Variants in LGR6 observed in about 807,000 individuals in gnomAD.
The protein encoded by LGR6 is leucine rich repeat containing G protein-coupled receptor 6.
LGR6 carries 45 observed loss-of-function variants against 69.4 expected under a neutral mutation model. The ratio of observed to expected loss-of-function variants is 0.65; its 90% CI spans 0.51 to 0.83. The LOEUF (loss-of-function observed/expected upper bound fraction) is 0.83, where lower values mean the gene tolerates loss of function less well. Among genes scored for constraint, LGR6 ranks in the 40% least tolerant of loss-of-function variants. The pLI is 0.00. For missense variants in LGR6, 1,108 were observed against 1,246.7 expected, an observed-to-expected ratio of 0.89 and a Z score of 1.68; for synonymous variants, 538 against 555.0, an observed-to-expected ratio of 0.97 and a Z score of 0.43.
At chr1:202,311,097 C>G (rs1653686678) in intron 16 of LGR6, among the ~76,000 whole-genome samples, 1 of 151,992 alleles carries the variant, frequency 6.6e-6, no homozygotes, top group African/African-American at 2.4e-5. Flanking sequence ...TCCCTCTCCC[C>G]CTGCCCGTAT....
intron 2 of LGR6, 132 bp downstream of exon 2, chr1:202,225,626 G>C (rs974093143): frequency 1.3e-5 from 9 of 713,866 alleles, no homozygotes; most frequent in Non-Finnish European, 2.1e-5. Context: ...CTTGACAGCA[G>C]GGTGTTCTTC....
chr1:202,267,561 T>C (rs1003145272), intron 4 of LGR6, among the ~76,000 whole-genome samples: 1 of 151,876 alleles, frequency 6.6e-6, no homozygotes, highest in Non-Finnish European at 1.5e-5. Context: ...AGCTTTGGAG[T>C]CAGACCAATG....
intron 3 of LGR6, among the ~76,000 whole-genome samples, chr1:202,228,253 TA>T (rs1242785203): frequency 6.6e-6 from 1 of 152,208 alleles, no homozygotes; most frequent in Non-Finnish European, 1.5e-5. Flanking sequence ...GTGAAACATT[TA>T]AAAAAATTAA....
At chr1:202,207,802 G>A (rs75171786) in intron 1 of LGR6, among the ~76,000 whole-genome samples, 3,464 of 152,278 alleles carry the variant, frequency 0.023, 130 homozygotes, top group African/African-American at 0.079. Context: ...CTAGAACGGC[G>A]TCTGGCACAC....
At chr1:202,197,450 C>G in intron 1 of LGR6, 1 of 533,406 alleles carries the variant, frequency 1.9e-6, no homozygotes, top group Middle Eastern at 3.2e-4. Context: ...AAACTATAGT[C>G]TCAGCGAGGC....
At chr1:202,301,055 A>C (rs753081203) in intron 8 of LGR6, 109 bp from the exon 9 acceptor site, 303 of 1,339,888 alleles carry the variant, frequency 2.3e-4, no homozygotes, top group Non-Finnish European at 3.2e-4. Context: ...CTTTCCCTGC[A>C]TGTTCTTTCC....
In LGR6 at chr1:202,303,457, C is replaced by T. The variant is rs41270971; in HGVS notation, c.998+110C>T. On this transcript the variant is annotated intron_variant, in intron 10 of 17. Transcript: ENST00000367278. ...TCTAGGTTCCTTGCTTCCCTTTTAT[C>T]CAGCCTGTCTCTACTACTGGCTCCA... 4.4e-3 allele frequency: 3,680 copies of T among 837,568 alleles called. 15 individuals are homozygous for T. Among genetic ancestry groups the T allele is most frequent in the Non-Finnish European group, 6.2e-3 (3,078 of 500,196 alleles). 51.9% of individuals were successfully genotyped at this position (837,568 alleles called of 1,614,324 possible).
intron 4 of LGR6, 36 bp downstream of exon 4, chr1:202,236,029 C>A: frequency 6.3e-7 from 1 of 1,578,704 alleles, no homozygotes; most frequent in Non-Finnish European, 8.7e-7. Context: ...GAGTCACCAG[C>A]TTCCTGGGGC....
Position 202,310,240 on chromosome 1 carries a change from A to T in LGR6, c.1450A>T (p.Met484Leu). The T allele has an allele frequency of 6.2e-7, 1 of 1,613,986 alleles. No homozygotes were observed. Among genetic ancestry groups the T allele is most frequent in the East Asian group, 2.2e-5 (1 of 44,870 alleles). Residue 484 changes from methionine (M) to leucine (L), a missense_variant, in exon 16 of 18, where the codon ATG (methionine) becomes TTG (leucine). Met to Leu is a conservative substitution (Grantham distance 15, BLOSUM62 2). Coordinates refer to ENST00000367278, the MANE Select transcript of LGR6 (RefSeq NM_001017403.2). The part of the protein sequence containing the change: ...PYAYQCCPYG[M>L]CASFFKASGQ... ...TGCCTACCAGTGCTGTCCCTATGGG[A>T]TGTGTGCCAGCTTCTTCAAGGCCTC...
At chr1:202,263,127 T>A (rs1435119649) in intron 4 of LGR6, among the ~76,000 whole-genome samples, 1 of 152,070 alleles carries the variant, frequency 6.6e-6, no homozygotes, top group Admixed American at 6.5e-5. Flanking sequence ...TATGATCATC[T>A]TTTTTTCTTT....
chr1:202,290,460 A>G (rs980897566), intron 6 of LGR6, among the ~76,000 whole-genome samples: 4 of 152,314 alleles, frequency 2.6e-5, no homozygotes, highest in South Asian at 2.1e-4. Flanking sequence ...CCAGGATCCA[A>G]CTCTGTGTAG....
chr1:202,205,388 C>T (rs1659143611), intron 1 of LGR6, among the ~76,000 whole-genome samples: 1 of 20,442 alleles, frequency 4.9e-5, no homozygotes, highest in African/African-American at 1.6e-4. Context: ...ACCTCACACA[C>T]CTCCTTCAAA....
chr1:202,310,157 G>C (rs777637623), intron 15 of LGR6, 40 bp from the exon 16 acceptor site: 18 of 1,608,234 alleles, frequency 1.1e-5, no homozygotes, highest in Non-Finnish European at 1.4e-5. Flanking sequence ...AGACCCCAAA[G>C]ATGCTGAGGC....
At chr1:202,299,296 A>G (rs1185653389) in intron 7 of LGR6, among the ~76,000 whole-genome samples, 2 of 150,816 alleles carry the variant, frequency 1.3e-5, no homozygotes, top group Admixed American at 6.6e-5. Context: ...GTGAGAAACT[A>G]TTGGAATTTC....
intron 4 of LGR6, among the ~76,000 whole-genome samples, chr1:202,252,658 T>C (rs1210034910): frequency 6.6e-6 from 1 of 152,198 alleles, no homozygotes; most frequent in Non-Finnish European, 1.5e-5. Context: ...TGACAATACA[T>C]AGCCTTTAGG....
At position 202,202,716 on chromosome 1, in the gene LGR6, G is replaced by T. The variant is rs146456122; in HGVS notation, c.212+8515G>T. On this transcript the variant is annotated intron_variant, in intron 1 of 17. Transcript: ENST00000367278. ...GGAGGCACTTGGGAGGAGCGGTGGA[G>T]GCAGGCCTGCAGTGGCCCTTCATTT... Among the ~76,000 whole-genome samples, 215 of 152,334 alleles carry T rather than the reference G, an allele frequency of 1.4e-3. 1 individual carries two copies. In the South Asian group the frequency reaches 0.016, roughly 11 times the overall value.
Position 202,268,738 on chromosome 1 carries a change from G to A in LGR6, c.429-7568G>A, listed in dbSNP as rs747030908. 3.9e-5 allele frequency among the ~76,000 whole-genome samples: 6 copies of A among 152,164 alleles called. No homozygotes were observed. Among genetic ancestry groups the A allele is most frequent in the Non-Finnish European group, 5.9e-5 (4 of 68,034 alleles). On this transcript the variant is annotated intron_variant, in intron 4 of 17. Coordinates refer to ENST00000367278, the MANE Select transcript of LGR6 (RefSeq NM_001017403.2). This position sits in a 1 kb window ranked among gnomAD's most constrained non-coding sequence, Gnocchi z 4.4. ...CCCAGCCTCTTTCTTCCTCTCAAAC[G>A]CAGAGTTAGGAAATGAGAACAGGAG...
At chr1:202,305,870 C>T in intron 12 of LGR6, 121 bp downstream of exon 12, 1 of 829,978 alleles carries the variant, frequency 1.2e-6, no homozygotes, top group Non-Finnish European at 2.0e-6. Context: ...TCTTCCTTCT[C>T]TTTTCTGAGT....
intron 6 of LGR6, among the ~76,000 whole-genome samples, chr1:202,283,408 A>G (rs1353146878): frequency 2.0e-5 from 3 of 152,176 alleles, no homozygotes; most frequent in African/African-American, 7.2e-5. Flanking sequence ...CAAACCTTTT[A>G]ATTGTTGCAT....
Sources: gnomAD v4.1 joint callset for allele counts (sites outside exome capture counted in the v4.1 genomes callset) on GRCh38, gnomAD v4.1.1 for gene constraint, Gnocchi (gnomAD v3.1) non-coding constraint, MANE v1.5 for transcripts, NCBI Gene and HGNC (gene_info 2026-07-23, HGNC 2026-07-21) for gene names.